The following STRBP variants were observed in gnomAD, a reference collection of about 807,000 sequenced individuals.
STRBP encodes spermatid perinuclear RNA binding protein.
In STRBP, 13 loss-of-function variants were observed where a neutral mutation model predicts 80.1. That is an observed-to-expected ratio of 0.16 (90% CI 0.11 to 0.26). STRBP has a LOEUF of 0.26. Among genes scored for constraint, STRBP ranks in the 10% least tolerant of loss-of-function variants. The pLI is 1.00. For missense variants in STRBP, 485 were observed against 815.2 expected (o/e 0.59, Z 4.93); for synonymous variants, 284 against 291.2 (o/e 0.98, Z 0.25).
At chr9:123,221,521 T>G (rs2040067206) in intron 2 of STRBP, among the ~76,000 whole-genome samples, 1 of 152,244 alleles carries the variant, frequency 6.6e-6, no homozygotes, top group African/African-American at 2.4e-5. Context: ...CTATTAAAAT[T>G]AACACTTGTG....
chr9:123,189,536 T>C (rs2038842220), intron 2 of STRBP, among the ~76,000 whole-genome samples: 1 of 151,884 alleles, frequency 6.6e-6, no homozygotes, highest in African/African-American at 2.4e-5. Context: ...GATAAGTTCA[T>C]GTCCTTTGTA....
intron 1 of STRBP, among the ~76,000 whole-genome samples, chr9:123,245,770 T>A (rs1164923478): frequency 6.6e-6 from 1 of 152,204 alleles, no homozygotes; most frequent in Non-Finnish European, 1.5e-5. Context: ...GAGAGTCTTT[T>A]TAAAAGCAAC....
rs1368295307 is a variant in STRBP at position 123,184,182 on chromosome 9, T to C, written c.-48A>G. On this transcript the variant is annotated 5_prime_UTR_variant, in exon 3 of 19. Coordinates refer to ENST00000348403, the MANE Select transcript of STRBP (RefSeq NM_018387.5). ...TCTTTTTCCGATCCTTTCCCCTCTT[T>C]CTTGTCGTCTTCACTAGACACTGTT... The C allele has an allele frequency of 1.9e-6, 3 of 1,600,712 alleles. No individual in the cohort carries two copies. In the Admixed American group the frequency reaches 5.1e-5, roughly 27 times the overall value.
At chr9:123,239,134 G>A (rs2040637763) in intron 1 of STRBP, among the ~76,000 whole-genome samples, 1 of 152,178 alleles carries the variant, frequency 6.6e-6, no homozygotes, top group African/African-American at 2.4e-5. Context: ...CCAGCACTCT[G>A]GGAGGCTGAG....
intron 13 of STRBP, among the ~76,000 whole-genome samples, chr9:123,140,439 CA>C: frequency 6.6e-6 from 1 of 152,062 alleles, no homozygotes; most frequent in South Asian, 2.1e-4. Flanking sequence ...ACTAAAGATA[CA>C]AAAATTAGCT....
intron 2 of STRBP, among the ~76,000 whole-genome samples, chr9:123,211,282 T>C (rs1252064758): frequency 3.9e-5 from 6 of 152,150 alleles, no homozygotes; most frequent in Admixed American, 3.3e-4. Context: ...TTCCAAATGA[T>C]TACATCATAG....
intron 2 of STRBP, among the ~76,000 whole-genome samples, chr9:123,215,170 G>T (rs1266175335): frequency 6.6e-6 from 1 of 151,956 alleles, no homozygotes; most frequent in Non-Finnish European, 1.5e-5. Context: ...GGGCTCAAGC[G>T]ATCCTCCCAC....
intron 17 of STRBP, among the ~76,000 whole-genome samples, chr9:123,130,532 C>A (rs1038913041): frequency 6.6e-6 from 1 of 152,090 alleles, no homozygotes; most frequent in African/African-American, 2.4e-5. Context: ...TCCGCGGCAA[C>A]AAGAGACGTG....
At position 123,110,930 on chromosome 9, in the gene STRBP, T is replaced by C. The variant is rs1357875084; in HGVS notation, c.*85-1177A>G. 5.9e-6 allele frequency: 1 copy of C among 168,746 alleles called. No individual in the cohort carries two copies. Among genetic ancestry groups the C allele is most frequent in the Non-Finnish European group, 1.5e-5 (1 of 68,126 alleles). 10.5% of individuals were successfully genotyped at this position (168,746 alleles called of 1,614,324 possible). On this transcript the variant is annotated intron_variant and NMD_transcript_variant, in intron 3 of 3. Transcript: ENST00000471564. This position sits in a 1 kb window ranked among gnomAD's most constrained non-coding sequence, Gnocchi z 4.1. ...AGTGCTCAGTACCCCATCTAAGAAA[T>C]GGGGGTGCGCAGTGAACAGAACCTG...
chr9:123,183,430 C>T (rs2038571966), intron 3 of STRBP, among the ~76,000 whole-genome samples: 1 of 151,460 alleles, frequency 6.6e-6, no homozygotes, highest in African/African-American at 2.4e-5. Context: ...GGGTGAGACT[C>T]CGTCTTTAAA....
chr9:123,222,495 T>C (rs920604963), intron 2 of STRBP, among the ~76,000 whole-genome samples: 5 of 152,206 alleles, frequency 3.3e-5, no homozygotes, highest in South Asian at 2.1e-4. Context: ...ATAGAGCAAG[T>C]AAATATTTTT....
At chr9:123,178,456 T>C (rs1253237891) in intron 4 of STRBP, among the ~76,000 whole-genome samples, 1 of 152,166 alleles carries the variant, frequency 6.6e-6, no homozygotes, top group African/African-American at 2.4e-5. Flanking sequence ...GCTACTATAA[T>C]TGTTGAGGGG....
chr9:123,229,720 T>C (rs1184461451), intron 2 of STRBP, among the ~76,000 whole-genome samples: 3 of 152,048 alleles, frequency 2.0e-5, no homozygotes, highest in African/African-American at 4.8e-5. Context: ...TCAATTTCCT[T>C]AGTGAAGTAA....
At chr9:123,150,432 T>C (rs2037003822) in intron 11 of STRBP, among the ~76,000 whole-genome samples, 1 of 152,112 alleles carries the variant, frequency 6.6e-6, no homozygotes, top group Non-Finnish European at 1.5e-5. Flanking sequence ...CCTGGCACGG[T>C]GCCACATGCC....
chr9:123,157,637 T>C (rs983798750), intron 11 of STRBP, among the ~76,000 whole-genome samples: 2 of 152,110 alleles, frequency 1.3e-5, no homozygotes, highest in African/African-American at 4.8e-5. Context: ...CTTACAATCA[T>C]GGCAGAAGGG....
chr9:123,265,457 T>C (rs1250655279), intron 1 of STRBP, among the ~76,000 whole-genome samples: 3 of 152,206 alleles, frequency 2.0e-5, no homozygotes, highest in South Asian at 2.1e-4. Context: ...AGAGTGATAA[T>C]TGAAGTTATT....
chr9:123,260,878 ATCCAGGTCCTTT>A (rs2041147119), intron 1 of STRBP, among the ~76,000 whole-genome samples: 1 of 152,184 alleles, frequency 6.6e-6, no homozygotes, highest in South Asian at 2.1e-4. Context: ...AAAAATAAAA[ATCCAGGTCCTTT>A]TGAGTCTATC....
intron 2 of STRBP, among the ~76,000 whole-genome samples, chr9:123,192,206 C>T (rs1483719267): frequency 6.6e-6 from 1 of 152,052 alleles, no homozygotes; most frequent in Non-Finnish European, 1.5e-5. Flanking sequence ...TGGATATGGA[C>T]CTAGTGTTCA....
Position 123,125,193 on chromosome 9 carries a change from G to C in STRBP, c.*404C>G. ...ATCAATCAACTAAGAATCAGTGACT[G>C]CATCAGGAACCAGGCAGTACTCTGT... On this transcript the variant is annotated 3_prime_UTR_variant, in exon 19 of 19. Transcript: ENST00000348403. 1 of 988,616 alleles carries C rather than the reference G, an allele frequency of 1.0e-6. No homozygotes were observed. Among genetic ancestry groups the C allele is most frequent in the Non-Finnish European group, 1.2e-6 (1 of 831,954 alleles). 61.2% of individuals were successfully genotyped at this position (988,616 alleles called of 1,614,324 possible). A position where few individuals can be genotyped will look rare whatever the true frequency, so the allele number is the denominator to read the frequency against.
Sources: allele counts gnomAD v4.1 joint callset (sites outside exome capture counted in the v4.1 genomes callset), GRCh38; gene constraint gnomAD v4.1.1; non-coding constraint Gnocchi (gnomAD v3.1); transcripts MANE v1.5; gene names NCBI Gene and HGNC (gene_info 2026-07-23, HGNC 2026-07-21).